The following CELF2 variants were observed in gnomAD, a reference collection of about 807,000 sequenced individuals.
The protein encoded by CELF2 is CUG triplet repeat RNA-binding protein 2.
A neutral mutation model predicts 62.6 loss-of-function variants in CELF2; 8 were observed. The observed-to-expected ratio is 0.13, with a 90% confidence interval of 0.07 to 0.23. The LOEUF (loss-of-function observed/expected upper bound fraction) is 0.23. Ranked by LOEUF, CELF2 falls within the 10% of genes least tolerant of loss-of-function variation. The probability of loss-of-function intolerance (pLI) is 1.00; values close to 1 mark genes in which losing one functional copy is unlikely to be tolerated. For synonymous variants in CELF2, 258 were observed against 250.0 expected (o/e 1.03, Z -0.30); for missense variants, 333 against 671.0 (o/e 0.50, Z 5.56).
chr10:10,755,686 C>A, the CELF2 span, among the ~76,000 whole-genome samples: 1 of 152,164 alleles, frequency 6.6e-6, no homozygotes, highest in Non-Finnish European at 1.5e-5. Flanking sequence ...TGGCCACGCC[C>A]CCTCTTACGA....
rs2087866523 is a variant in CELF2, at chr10:11,280,233, C to A, written c.841+5113C>A. 6.6e-6 allele frequency among the ~76,000 whole-genome samples: 1 copy of A among 152,106 alleles called. No individual in the cohort carries two copies. The highest frequency in any genetic ancestry group is 6.5e-5 in the Admixed American group (1 of 15,284). On this transcript the variant is annotated intron_variant, in intron 8 of 12. Transcript: ENST00000633077. The surrounding 1 kb of genome is among the most constrained non-coding windows in gnomAD (Gnocchi z 7.6). ...ACTTCCGGATGAGCGGAAGTGAAGC[C>A]CGCTGTTAGTTCTGGGGAGGAATAA...
At chr10:11,125,853 G>A (rs779380973) in intron 1 of CELF2, among the ~76,000 whole-genome samples, 2 of 152,062 alleles carry the variant, frequency 1.3e-5, no homozygotes, top group Non-Finnish European at 2.9e-5. Context: ...TTTTTCAAAC[G>A]GAGTAATACT....
the CELF2 span, among the ~76,000 whole-genome samples, chr10:10,601,323 G>T: frequency 6.6e-6 from 1 of 152,218 alleles, no homozygotes; most frequent in East Asian, 1.9e-4. Flanking sequence ...GGAGAACAGG[G>T]ATGGGGACAG....
chr10:10,777,735 G>T, the CELF2 span, among the ~76,000 whole-genome samples: 4 of 152,110 alleles, frequency 2.6e-5, no homozygotes, highest in Admixed American at 6.5e-5. Flanking sequence ...CTCTACACTA[G>T]CCCCCTTTGC....
the CELF2 span, among the ~76,000 whole-genome samples, chr10:10,607,084 A>T: frequency 6.6e-6 from 1 of 152,216 alleles, no homozygotes; most frequent in East Asian, 1.9e-4. Context: ...TTCAAAAGCT[A>T]TTTAATGCTA....
the CELF2 span, among the ~76,000 whole-genome samples, chr10:10,750,761 A>C: frequency 1.1e-4 from 17 of 152,370 alleles, no homozygotes; most frequent in African/African-American, 4.1e-4. Context: ...AAGGTGGAAG[A>C]ATAGAATGAT....
intron 1 of CELF2, among the ~76,000 whole-genome samples, chr10:10,823,343 C>T (rs979385785): frequency 1.3e-5 from 2 of 152,110 alleles, no homozygotes; most frequent in Non-Finnish European, 2.9e-5. Flanking sequence ...CATTTGCAGG[C>T]GTTCCCAGGG....
upstream of CELF2, among the ~76,000 whole-genome samples, chr10:11,001,694 G>C (rs1398094177): frequency 6.6e-6 from 1 of 152,060 alleles, no homozygotes; most frequent in Non-Finnish European, 1.5e-5. Context: ...AGCTAAAAAT[G>C]TAATTTATAC....
chr10:10,534,247 A>C, the CELF2 span, among the ~76,000 whole-genome samples: 1 of 151,552 alleles, frequency 6.6e-6, no homozygotes, highest in Admixed American at 6.6e-5. Context: ...AAAAAGAGAG[A>C]GACAGAGAAA....
chr10:11,281,693 C>G (rs936586719), intron 8 of CELF2, among the ~76,000 whole-genome samples: 3 of 152,168 alleles, frequency 2.0e-5, no homozygotes, highest in Non-Finnish European at 4.4e-5. Flanking sequence ...ATGATGGCTG[C>G]AGTGAGCCAT....
chr10:10,577,989 G>A, the CELF2 span, among the ~76,000 whole-genome samples: 6 of 152,178 alleles, frequency 3.9e-5, no homozygotes, highest in Non-Finnish European at 8.8e-5. Flanking sequence ...GTGTAAAAGT[G>A]TTCCTGTTTC....
At chr10:11,129,172 G>T (rs1366474957) in intron 1 of CELF2, among the ~76,000 whole-genome samples, 1 of 152,128 alleles carries the variant, frequency 6.6e-6, no homozygotes, top group Non-Finnish European at 1.5e-5. Context: ...TTATATGATG[G>T]ATTACGTTCA....
chr10:11,043,835 C>T (rs1382499382), intron 1 of CELF2, among the ~76,000 whole-genome samples: 2 of 152,204 alleles, frequency 1.3e-5, no homozygotes, highest in Non-Finnish European at 2.9e-5. Context: ...GCTCGGATCC[C>T]CCAGTGGCTT....
At chr10:10,756,859 G>A in the CELF2 span, among the ~76,000 whole-genome samples, 1 of 152,130 alleles carries the variant, frequency 6.6e-6, no homozygotes, top group Admixed American at 6.5e-5. Flanking sequence ...AAATAACTAC[G>A]GGGACTGGGC....
At chr10:10,658,181 A>G in the CELF2 span, among the ~76,000 whole-genome samples, 1 of 152,244 alleles carries the variant, frequency 6.6e-6, no homozygotes, top group Non-Finnish European at 1.5e-5. Flanking sequence ...TTGAGTCTCA[A>G]AAAAAACCCT....
intron 3 of CELF2, among the ~76,000 whole-genome samples, chr10:11,228,296 A>G (rs1224112402): frequency 6.6e-6 from 1 of 152,228 alleles, no homozygotes; most frequent in Non-Finnish European, 1.5e-5. Context: ...TGTCCTCAGA[A>G]CTATGCCAAG....
At chr10:11,112,389 G>C (rs903886481) in intron 1 of CELF2, among the ~76,000 whole-genome samples, 1 of 152,248 alleles carries the variant, frequency 6.6e-6, no homozygotes, top group African/African-American at 2.4e-5. Context: ...AGAAACTGCA[G>C]GAGTTAGAGA....
chr10:10,746,098 T>C, the CELF2 span, among the ~76,000 whole-genome samples: 1 of 152,234 alleles, frequency 6.6e-6, no homozygotes, highest in Admixed American at 6.5e-5. Context: ...GCCCCTTGAA[T>C]CTTAACCATT....
At chr10:10,701,767 G>A in the CELF2 span, among the ~76,000 whole-genome samples, 6 of 152,170 alleles carry the variant, frequency 3.9e-5, no homozygotes, top group Non-Finnish European at 5.9e-5. Context: ...GGAGAACCAC[G>A]TCCCATTTTC....
Sources: gnomAD v4.1 joint callset for allele counts (sites outside exome capture counted in the v4.1 genomes callset) on GRCh38, gnomAD v4.1.1 for gene constraint, Gnocchi (gnomAD v3.1) non-coding constraint, MANE v1.5 for transcripts, NCBI Gene and HGNC (gene_info 2026-07-23, HGNC 2026-07-21) for gene names.